The following ABCA13 variants were observed in gnomAD, a reference collection of about 807,000 sequenced individuals.
The protein encoded by ABCA13 is ATP-binding cassette sub-family A member 13.
In ABCA13, 476 loss-of-function variants were observed where a neutral mutation model predicts 478.7. That is an observed-to-expected ratio of 0.99 (90% CI 0.92 to 1.07). The LOEUF (loss-of-function observed/expected upper bound fraction) is 1.07, where lower values mean the gene tolerates loss of function less well. Ranked by LOEUF, ABCA13 falls within the 50% of genes least tolerant of loss-of-function variation. The pLI is 0.00. For missense variants in ABCA13, 6,060 were observed against 5,910.6 expected, an observed-to-expected ratio of 1.03 and a Z score of -0.83; for synonymous variants, 2,252 against 2,158.9, an observed-to-expected ratio of 1.04 and a Z score of -1.20.
chr7:48,638,810 T>C (rs1241089015), intron 59 of ABCA13, among the ~76,000 whole-genome samples: 1 of 152,200 alleles, frequency 6.6e-6, no homozygotes, highest in African/African-American at 2.4e-5. Context: ...TTCTAGTCCA[T>C]GTACAGGTGT....
At chr7:48,374,446 C>A (rs763136581) in intron 34 of ABCA13, 30 bp downstream of exon 34, 5 of 1,578,800 alleles carry the variant, frequency 3.2e-6, no homozygotes, top group Non-Finnish European at 4.3e-6. Context: ...AAAAGTGACT[C>A]TCAGTGAATC....
At position 48,540,622 on chromosome 7, in the gene ABCA13, A is replaced by G. The variant is rs372432766; in HGVS notation, c.14354+12277A>G. Among the ~76,000 whole-genome samples, 7 of 152,242 alleles carry G rather than the reference A, an allele frequency of 4.6e-5. No homozygotes were observed. The East Asian group carries it at 1.2e-3, about 25-fold the overall frequency. ...GCTTATTGCTACCTAATTGAAACAC[A>G]TCTACTCATTCATTCAATATATTAA... On this transcript the variant is annotated intron_variant, in intron 55 of 61. Coordinates refer to ENST00000435803, the MANE Select transcript of ABCA13 (RefSeq NM_152701.5).
At chr7:48,352,051 C>G (rs1380665153) in intron 30 of ABCA13, 130 bp from the exon 31 acceptor site, 2 of 880,034 alleles carry the variant, frequency 2.3e-6, no homozygotes, top group Admixed American at 2.7e-5. Flanking sequence ...GGCTGGGGCT[C>G]TGAGTCTGCA....
In ABCA13 at chr7:48,273,943, A is replaced by G. The variant is rs769632392; in HGVS notation, c.4277A>G (p.Asp1426Gly). The change falls in exon 17 of 62, where the codon GAT becomes GGT. Residue 1426 changes from aspartate to glycine, a missense_variant. By Grantham distance (94) the Asp-to-Gly change is moderately conservative (BLOSUM62 -1). Transcript: ENST00000435803. The part of the protein sequence containing the change: ...HLQNILGNFR[D>G]IENKMNSILK... ...CAAAATATTTTGGGGAATTTCAGAG[A>G]TATAGAAAACAAAATGAACTCTATA... 2.5e-6 allele frequency: 4 copies of G among 1,612,052 alleles called. No homozygotes were observed. The highest frequency in any genetic ancestry group is 3.4e-6 in the Non-Finnish European group (4 of 1,178,890).
intron 37 of ABCA13, among the ~76,000 whole-genome samples, chr7:48,390,102 A>G (rs536892189): frequency 3.3e-5 from 5 of 152,344 alleles, no homozygotes; most frequent in East Asian, 1.9e-4. Context: ...TTGGGAAACC[A>G]CAAGTTGCAC....
chr7:48,493,842 G>A (rs1378677846), intron 48 of ABCA13, among the ~76,000 whole-genome samples: 2 of 152,190 alleles, frequency 1.3e-5, no homozygotes, highest in African/African-American at 4.8e-5. Context: ...ATGTTTTTGG[G>A]TGATTCTAAT....
At position 48,337,302 on chromosome 7, in the gene ABCA13, G is replaced by A. The variant is rs572826220; in HGVS notation, c.10114-1063G>A. ...AGTAAAAGACAACAGTACCCTCCTG[G>A]GGATGTTGTTGAGATTAAATGACAT... On this transcript the variant is annotated intron_variant, in intron 28 of 61. Coordinates refer to ENST00000435803, the MANE Select transcript of ABCA13 (RefSeq NM_152701.5). 2.5e-4 allele frequency among the ~76,000 whole-genome samples: 38 copies of A among 152,244 alleles called. No homozygotes were observed. In the South Asian group the frequency reaches 6.0e-3, roughly 24 times the overall value.
intron 31 of ABCA13, among the ~76,000 whole-genome samples, chr7:48,365,677 C>T (rs1465496339): frequency 2.0e-5 from 3 of 152,078 alleles, no homozygotes; most frequent in Non-Finnish European, 4.4e-5. Context: ...AGAGATAGTC[C>T]TTTTCCCAAT....
chr7:48,498,141 C>T (rs1830437238), intron 48 of ABCA13, among the ~76,000 whole-genome samples: 1 of 152,104 alleles, frequency 6.6e-6, no homozygotes, highest in African/African-American at 2.4e-5. Flanking sequence ...AACCACTGTG[C>T]CCCTTGTCTC....
rs115499595 is a variant in ABCA13 at position 48,393,237 on chromosome 7, T to G, written c.11873+1098T>G. Among the ~76,000 whole-genome samples the G allele has an allele frequency of 3.0e-3, 464 of 152,282 alleles. 3 individuals are homozygous for G. The highest frequency in any genetic ancestry group is 0.011 in the African/African-American group (449 of 41,544). On this transcript the variant is annotated intron_variant, in intron 38 of 61. Transcript: ENST00000435803. ...GCTGGAGATAGAAACATTAATCCAGTGCTGGGGTCATCGATTCAGCAAACA... is the reference window on the plus strand; with the variant it reads ...GCTGGAGATAGAAACATTAATCCAGGGCTGGGGTCATCGATTCAGCAAACA...
intron 3 of ABCA13, among the ~76,000 whole-genome samples, chr7:48,208,073 C>T (rs1192714991): frequency 6.6e-6 from 1 of 151,924 alleles, no homozygotes. Flanking sequence ...ATTGAATGTT[C>T]TTGGAGCCTT....
In ABCA13 at chr7:48,249,364, C is replaced by A; in HGVS notation, c.2005+13C>A. 2 of 1,611,250 alleles carry A rather than the reference C, an allele frequency of 1.2e-6. No homozygotes were observed. Among genetic ancestry groups the A allele is most frequent in the Non-Finnish European group, 1.7e-6 (2 of 1,178,690 alleles). ...AACAGACTATTGGGTAAGTCAGTAG[C>A]CTAAACTACAGGAATGGGGGATGCT... On this transcript the variant is annotated intron_variant, in intron 15 of 61. Coordinates refer to ENST00000435803, the MANE Select transcript of ABCA13 (RefSeq NM_152701.5).
chr7:48,620,146 C>G (rs528190717), intron 59 of ABCA13, among the ~76,000 whole-genome samples: 11 of 151,564 alleles, frequency 7.3e-5, no homozygotes, highest in Admixed American at 6.6e-4. Context: ...GAGGAGGAGG[C>G]CTTTTTTAGT....
At chr7:48,367,492 AATG>A (rs1321967904) in intron 31 of ABCA13, among the ~76,000 whole-genome samples, 9 of 152,224 alleles carry the variant, frequency 5.9e-5, no homozygotes, top group African/African-American at 2.2e-4. Flanking sequence ...GGCATGGATT[AATG>A]ACCTGCTTTG....
chr7:48,274,859 C>A lies in ABCA13; in HGVS notation c.5193C>A (p.Leu1731=). 6.2e-7 allele frequency: 1 copy of A among 1,613,946 alleles called. No homozygotes were observed. Among genetic ancestry groups the A allele is most frequent in the Non-Finnish European group, 8.5e-7 (1 of 1,179,872 alleles). Residue 1731 remains leucine (L), a synonymous_variant, in exon 17 of 62, where the codon CTC becomes CTA. Coordinates refer to ENST00000435803, the MANE Select transcript of ABCA13 (RefSeq NM_152701.5). ...HSWNVNHLLQ[L]SRLFPKDVVD... is the part of the protein sequence containing the mutation. ...GGAATGTTAATCATCTGCTGCAGCTCTCACGCCTGTTTCCTAAAGATGTTG... is the reference window on the plus strand; with the variant it reads ...GGAATGTTAATCATCTGCTGCAGCTATCACGCCTGTTTCCTAAAGATGTTG...
chr7:48,478,972 T>A (rs1432104807), intron 45 of ABCA13, among the ~76,000 whole-genome samples: 1 of 148,550 alleles, frequency 6.7e-6, no homozygotes, highest in Non-Finnish European at 1.5e-5. Context: ...TTTTGAGATG[T>A]AGTCTCGCTC....
intron 3 of ABCA13, among the ~76,000 whole-genome samples, chr7:48,214,331 A>G (rs1254697114): frequency 6.6e-6 from 1 of 152,206 alleles, no homozygotes; most frequent in Non-Finnish European, 1.5e-5. Flanking sequence ...CAGTTGATTT[A>G]GCATAGTTCT....
intron 41 of ABCA13, among the ~76,000 whole-genome samples, chr7:48,418,703 G>A (rs936568131): frequency 2.6e-5 from 4 of 152,146 alleles, no homozygotes; most frequent in Non-Finnish European, 5.9e-5. Flanking sequence ...GCATAAATAT[G>A]AGGAATTATC....
chr7:48,241,141 T>C (rs2078787223), intron 10 of ABCA13, 75 bp downstream of exon 10: 7 of 1,493,510 alleles, frequency 4.7e-6, no homozygotes, highest in Admixed American at 1.7e-5. Flanking sequence ...GATGATACTG[T>C]TAGAAACACA....
Sources: allele counts gnomAD v4.1 joint callset (sites outside exome capture counted in the v4.1 genomes callset), GRCh38; gene constraint gnomAD v4.1.1; transcripts MANE v1.5; gene names NCBI Gene and HGNC (gene_info 2026-07-23, HGNC 2026-07-21).